Variants in TECRL observed in about 807,000 individuals in gnomAD.
TECRL encodes the protein trans-2,3-enoyl-CoA reductase like.
TECRL carries 63 observed loss-of-function variants against 52.8 expected under a neutral mutation model. The ratio of observed to expected loss-of-function variants is 1.19; its 90% CI spans 0.97 to 1.47. The LOEUF (loss-of-function observed/expected upper bound fraction) is 1.47. Ranked by LOEUF, TECRL falls within the 40% of genes most tolerant of loss-of-function variation. TECRL has a pLI of 0.00. For synonymous variants in TECRL, 164 were observed against 141.9 expected, an observed-to-expected ratio of 1.16 and a Z score of -1.10; for missense variants, 482 against 429.6, an observed-to-expected ratio of 1.12 and a Z score of -1.08.
At chr4:64,401,911 A>G (rs759564125) in intron 1 of TECRL, among the ~76,000 whole-genome samples, 2 of 152,116 alleles carry the variant, frequency 1.3e-5, no homozygotes, top group Non-Finnish European at 2.9e-5. Context: ...AATGGTTAGC[A>G]TTTCTTTGTT....
chr4:64,284,580 T>A (rs1332962204), intron 9 of TECRL, among the ~76,000 whole-genome samples: 1 of 152,002 alleles, frequency 6.6e-6, no homozygotes. Flanking sequence ...GTGAACGGGA[T>A]TAAAGGACCC....
At chr4:64,378,137 C>T (rs1722527898) in intron 1 of TECRL, among the ~76,000 whole-genome samples, 1 of 151,966 alleles carries the variant, frequency 6.6e-6, no homozygotes, top group African/African-American at 2.4e-5. Flanking sequence ...CAGAGAAGTA[C>T]AAAATGCCAA....
chr4:64,305,788 A>AC (rs1168830087), intron 6 of TECRL, among the ~76,000 whole-genome samples: 3 of 152,018 alleles, frequency 2.0e-5, no homozygotes, highest in Non-Finnish European at 4.4e-5. Context: ...CAGATGCAAC[A>AC]CCCCCAGGGG....
At chr4:64,373,759 G>T (rs904929887) in intron 2 of TECRL, among the ~76,000 whole-genome samples, 8 of 151,168 alleles carry the variant, frequency 5.3e-5, no homozygotes, top group African/African-American at 1.9e-4. Context: ...AATCTAAACT[G>T]TCTGGAGACA....
At chr4:64,393,322 A>G (rs559751551) in intron 1 of TECRL, among the ~76,000 whole-genome samples, 2 of 152,152 alleles carry the variant, frequency 1.3e-5, no homozygotes, top group South Asian at 4.2e-4. Flanking sequence ...CTAACTCCAA[A>G]GGGATAGAGG....
chr4:64,335,934 A>AT (rs1560508397), intron 2 of TECRL, among the ~76,000 whole-genome samples: 1 of 151,878 alleles, frequency 6.6e-6, no homozygotes, highest in Non-Finnish European at 1.5e-5. Flanking sequence ...TTTATTGAGA[A>AT]TTTTTGCATC....
chr4:64,284,394 C>A (rs1261293048), intron 9 of TECRL, among the ~76,000 whole-genome samples: 1 of 152,012 alleles, frequency 6.6e-6, no homozygotes, highest in African/African-American at 2.4e-5. Context: ...ACCCTCGTTT[C>A]GTGTTCTCAG....
chr4:64,288,037 TCAGGAGGCTGAGG>T (rs1199296771), intron 9 of TECRL, among the ~76,000 whole-genome samples: 2 of 151,678 alleles, frequency 1.3e-5, no homozygotes. Flanking sequence ...TCCCAGCTAC[TCAGGAGGCTGAGG>T]CAGGAGAATC....
At chr4:64,403,990 G>A (rs896179785) in intron 1 of TECRL, among the ~76,000 whole-genome samples, 1 of 151,970 alleles carries the variant, frequency 6.6e-6, no homozygotes, top group African/African-American at 2.4e-5. Flanking sequence ...GCATAAATAT[G>A]CTAAGTATCA....
chr4:64,300,164 T>A lies in TECRL; in HGVS notation c.731-147A>T, dbSNP rs932279606. 3.4e-5 allele frequency: 16 copies of A among 470,850 alleles called. No individual in the cohort carries two copies. In the East Asian group the frequency reaches 5.6e-4, roughly 16 times the overall value. 29.2% of individuals were successfully genotyped at this position (470,850 alleles called of 1,614,324 possible). On this transcript the variant is annotated intron_variant, in intron 7 of 11. Transcript: ENST00000381210. ...TGTAATTCACCTTTTGGGATGATACTTTTGCAATCTAAAGTGTTGACTTTT... is the reference window on the plus strand; with the variant it reads ...TGTAATTCACCTTTTGGGATGATACATTTGCAATCTAAAGTGTTGACTTTT...
intron 2 of TECRL, among the ~76,000 whole-genome samples, chr4:64,334,635 T>C (rs1029921883): frequency 4.6e-5 from 7 of 152,108 alleles, no homozygotes; most frequent in Non-Finnish European, 7.4e-5. Flanking sequence ...TAACACAATA[T>C]AATCAGCAAC....
At chr4:64,288,644 C>T (rs1723208638) in intron 9 of TECRL, among the ~76,000 whole-genome samples, 1 of 152,054 alleles carries the variant, frequency 6.6e-6, no homozygotes, top group African/African-American at 2.4e-5. Context: ...GAAGAAGCTC[C>T]AAAGCACTTC....
chr4:64,391,501 C>T (rs976380744), intron 1 of TECRL, among the ~76,000 whole-genome samples: 1 of 151,880 alleles, frequency 6.6e-6, no homozygotes, highest in South Asian at 2.1e-4. Context: ...CCATTAATAA[C>T]ATCAACACTC....
intron 8 of TECRL, among the ~76,000 whole-genome samples, chr4:64,291,221 C>CA (rs1397791112): frequency 1.3e-5 from 2 of 152,060 alleles, no homozygotes; most frequent in Non-Finnish European, 2.9e-5. Flanking sequence ...GTACCCTACA[C>CA]AGCCTATTTG....
chr4:64,394,905 G>A (rs1293001905), intron 1 of TECRL, among the ~76,000 whole-genome samples: 2 of 139,950 alleles, frequency 1.4e-5, no homozygotes, highest in East Asian at 2.1e-4. Context: ...AAATTAACAA[G>A]CATTTTTTTT....
chr4:64,380,165 G>C (rs1428817147), intron 1 of TECRL, among the ~76,000 whole-genome samples: 1 of 151,860 alleles, frequency 6.6e-6, no homozygotes, highest in Non-Finnish European at 1.5e-5. Context: ...TGACCACTTT[G>C]TTATATATCT....
intron 1 of TECRL, among the ~76,000 whole-genome samples, chr4:64,398,345 G>T (rs1307368366): frequency 6.6e-6 from 1 of 152,144 alleles, no homozygotes; most frequent in Non-Finnish European, 1.5e-5. Context: ...ATGTAGCCTG[G>T]TGGGAGGGAA....
At chr4:64,338,614 T>C (rs1175823093) in intron 2 of TECRL, among the ~76,000 whole-genome samples, 5 of 151,960 alleles carry the variant, frequency 3.3e-5, no homozygotes, top group Admixed American at 6.6e-5. Flanking sequence ...CATCAAAAAG[T>C]GGGCAAAGGA....
At chr4:64,367,519 T>C (rs1272532626) in intron 2 of TECRL, among the ~76,000 whole-genome samples, 1 of 151,606 alleles carries the variant, frequency 6.6e-6, no homozygotes, top group Non-Finnish European at 1.5e-5. Flanking sequence ...ACAAAAAGTG[T>C]CATATATCAC....
Sources: gnomAD v4.1 joint callset for allele counts (sites outside exome capture counted in the v4.1 genomes callset) on GRCh38, gnomAD v4.1.1 for gene constraint, MANE v1.5 for transcripts, NCBI Gene and HGNC (gene_info 2026-07-23, HGNC 2026-07-21) for gene names.